Variants in EFCAB5 observed in about 807,000 individuals in gnomAD.
The protein encoded by EFCAB5 is EF-hand calcium-binding domain-containing protein 5.
Under a neutral mutation model 167.9 loss-of-function variants are expected in EFCAB5, and 131 were observed. The observed-to-expected ratio is 0.78, with a 90% CI of 0.68 to 0.90. EFCAB5 has a LOEUF of 0.90. Ranked by LOEUF, EFCAB5 falls within the 40% of genes least tolerant of loss-of-function variation. The pLI, the probability that EFCAB5 is intolerant of heterozygous loss-of-function variation, is 0.00. For missense variants in EFCAB5, 1,663 were observed against 1,745.2 expected, an observed-to-expected ratio of 0.95 and a Z score of 0.84; for synonymous variants, 574 against 602.8, an observed-to-expected ratio of 0.95 and a Z score of 0.70.
At chr17:30,056,219 G>A (rs2070262462) in intron 12 of EFCAB5, 63 bp downstream of exon 12, 3 of 1,425,338 alleles carry the variant, frequency 2.1e-6, no homozygotes, top group Non-Finnish European at 2.9e-6. Flanking sequence ...AATTTACTGT[G>A]GTACTCGATG....
Position 29,973,652 on chromosome 17 carries a change from A to G in EFCAB5, c.767+4285A>G, listed in dbSNP as rs564707571. Among the ~76,000 whole-genome samples the G allele has an allele frequency of 2.7e-5, 4 of 150,560 alleles. No homozygotes were observed. The East Asian group carries it at 6.0e-4, about 23-fold the overall frequency. ...GCCACTACACCCTGCTAATTTTTGT[A>G]TTTTTCGTAGAGACAGGGTTTCACC... On this transcript the variant is annotated intron_variant, in intron 4 of 22. Coordinates refer to ENST00000394835, the MANE Select transcript of EFCAB5 (RefSeq NM_198529.4).
intron 17 of EFCAB5, among the ~76,000 whole-genome samples, chr17:30,082,265 A>G (rs1046790972): frequency 6.6e-6 from 1 of 151,410 alleles, no homozygotes; most frequent in Non-Finnish European, 1.5e-5. Context: ...GCTTTTTAAC[A>G]TTTTTTTCTC....
In EFCAB5 at chr17:30,009,939, C is replaced by A. The variant is rs567749498; in HGVS notation, c.1044+9963C>A. Among the ~76,000 whole-genome samples the A allele has an allele frequency of 4.6e-5, 7 of 152,116 alleles. No homozygotes were observed. In the South Asian group the frequency reaches 1.5e-3, roughly 32 times the overall value. On this transcript the variant is annotated intron_variant, in intron 7 of 22. Coordinates refer to ENST00000394835, the MANE Select transcript of EFCAB5 (RefSeq NM_198529.4). ...AACTCGTCATTTGCATTAGGTATTT[C>A]TCCTAATGCTATCCCTCCTCCATCC...
rs765917335 is a variant in EFCAB5 at position 29,941,770 on chromosome 17, C to A, written c.-27C>A. Reference sequence around the variant, plus strand: ...CTGGTCTAGTAATATTCTTCTATACCATTTGGTGATAACTTTTGGAGTCCA... The same window carrying A: ...CTGGTCTAGTAATATTCTTCTATACAATTTGGTGATAACTTTTGGAGTCCA... On this transcript the variant is annotated 5_prime_UTR_variant, in exon 1 of 23. Coordinates refer to ENST00000394835, the MANE Select transcript of EFCAB5 (RefSeq NM_198529.4). 5.1e-6 allele frequency: 8 copies of A among 1,582,000 alleles called. No homozygotes were observed. Among genetic ancestry groups the A allele is most frequent in the Non-Finnish European group, 6.9e-6 (8 of 1,159,472 alleles).
At chr17:30,055,409 A>G (rs2070231796) in intron 10 of EFCAB5, among the ~76,000 whole-genome samples, 2 of 152,156 alleles carry the variant, frequency 1.3e-5, no homozygotes, top group Non-Finnish European at 2.9e-5. Flanking sequence ...TAGTAAGGAA[A>G]GAAAGAAAAT....
Position 30,078,436 on chromosome 17 carries a change from T to A in EFCAB5, c.2959T>A (p.Cys987Ser), listed in dbSNP as rs780845389. 1.2e-6 allele frequency: 2 copies of A among 1,613,920 alleles called. No individual in the cohort carries two copies. The highest frequency in any genetic ancestry group is 1.7e-6 in the Non-Finnish European group (2 of 1,179,862). The change falls in exon 15 of 23, where the codon TGT becomes AGT. Residue 987 changes from cysteine to serine, a missense_variant. Transcript: ENST00000394835. The stretch of plus-strand genomic sequence containing the variant: ...GCGGAAATGGCTGCACCAAATCCAA[T>A]GTGCTGCAGAGACAAGTGGGGTGTC... ...ARRKWLHQIQCAAETSGVSLE... is the reference protein window; with the variant it reads ...ARRKWLHQIQSAAETSGVSLE...
rs770349829 is a variant in EFCAB5 at position 30,080,166 on chromosome 17, G to A, written c.3122G>A (p.Arg1041Lys). The A allele has an allele frequency of 6.2e-7, 1 of 1,613,858 alleles. No individual in the cohort carries two copies. The highest frequency in any genetic ancestry group is 8.5e-7 in the Non-Finnish European group (1 of 1,179,832). ...CCTGAGAAAGGGAATGTTCTATTGA[G>A]GAATGTGGCTTGTACCTTAGATGAT... is the stretch of plus-strand genomic sequence containing the variant. The part of the protein sequence containing the change: ...LLPEKGNVLL[R>K]NVACTLDDAQ... The change falls in exon 16 of 23, where the codon AGG (arginine) becomes AAG (lysine). Residue 1041 changes from arginine (R) to lysine (K), a missense_variant. By Grantham distance (26) the Arg-to-Lys change is conservative. Transcript: ENST00000394835.
At chr17:30,105,276 C>T (rs1208164128) in intron 22 of EFCAB5, among the ~76,000 whole-genome samples, 2 of 152,032 alleles carry the variant, frequency 1.3e-5, no homozygotes, top group African/African-American at 4.8e-5. Context: ...CATCTGAGGT[C>T]ACGAGTTCGA....
chr17:30,057,847 G>T lies in EFCAB5; in HGVS notation c.2537G>T (p.Gly846Val), dbSNP rs748643570. Residue 846 changes from glycine (G) to valine (V), a missense_variant, in exon 13 of 23, where the codon GGC becomes GTC. Coordinates refer to ENST00000394835, the MANE Select transcript of EFCAB5 (RefSeq NM_198529.4). ...ACTCTCACCTCCTTTTTTAAGGAGG[G>T]CTATGTTGAAACAGAACAAGAGAAA... is the stretch of plus-strand genomic sequence containing the variant. ...SETLTSFFKE[G>V]YVETEQEKMN... The T allele has an allele frequency of 6.2e-7, 1 of 1,613,744 alleles. No homozygotes were observed. Among genetic ancestry groups the T allele is most frequent in the South Asian group, 1.1e-5 (1 of 91,072 alleles).
chr17:30,047,870 T>C (rs1157508995), intron 8 of EFCAB5, among the ~76,000 whole-genome samples: 1 of 152,194 alleles, frequency 6.6e-6, no homozygotes, highest in African/African-American at 2.4e-5. Flanking sequence ...CCCAGAACTC[T>C]TTGGTTGAAG....
intron 3 of EFCAB5, among the ~76,000 whole-genome samples, chr17:29,947,598 A>G (rs1420028398): frequency 6.6e-6 from 1 of 152,150 alleles, no homozygotes; most frequent in Non-Finnish European, 1.5e-5. Flanking sequence ...CAAACTTTCC[A>G]ACACTTATTC....
At chr17:30,037,191 A>G (rs1311792449) in intron 8 of EFCAB5, among the ~76,000 whole-genome samples, 1 of 152,188 alleles carries the variant, frequency 6.6e-6, no homozygotes, top group Non-Finnish European at 1.5e-5. Context: ...GTGTAGGTAG[A>G]TGGGCCTGAA....
chr17:29,946,650 G>A (rs1371046617), intron 3 of EFCAB5, among the ~76,000 whole-genome samples: 3 of 151,806 alleles, frequency 2.0e-5, no homozygotes, highest in Non-Finnish European at 4.4e-5. Context: ...ATGTTGGGCA[G>A]GATGGTCTCG....
At chr17:29,937,676 G>A (rs1383211818), upstream of EFCAB5, among the ~76,000 whole-genome samples, 1 of 152,136 alleles carries the variant, frequency 6.6e-6, no homozygotes, top group Non-Finnish European at 1.5e-5. Context: ...TCAGAGAAAG[G>A]ATATAGAGAT....
chr17:29,958,774 C>T (rs1357450796), intron 3 of EFCAB5, among the ~76,000 whole-genome samples: 1 of 152,164 alleles, frequency 6.6e-6, no homozygotes, highest in Non-Finnish European at 1.5e-5. Flanking sequence ...CTTGGGAATG[C>T]TTTCTAAGTA....
chr17:30,016,215 A>C (rs1192661926), intron 7 of EFCAB5, among the ~76,000 whole-genome samples: 1 of 152,022 alleles, frequency 6.6e-6, no homozygotes, highest in African/African-American at 2.4e-5. Flanking sequence ...AAAAGTTTTA[A>C]ATTTTTATGA....
intron 7 of EFCAB5, among the ~76,000 whole-genome samples, chr17:30,018,817 G>A (rs751594006): frequency 9.9e-5 from 15 of 152,080 alleles, no homozygotes; most frequent in Admixed American, 2.0e-4. Context: ...TTAAAGCAAT[G>A]GCGAGGAACT....
At chr17:29,970,118 T>C (rs1199665172) in intron 4 of EFCAB5, among the ~76,000 whole-genome samples, 1 of 152,244 alleles carries the variant, frequency 6.6e-6, no homozygotes, top group Non-Finnish European at 1.5e-5. Context: ...TTTAACCTAC[T>C]GTAACATGTA....
At chr17:30,064,766 C>G (rs1322069444) in intron 14 of EFCAB5, among the ~76,000 whole-genome samples, 1 of 152,034 alleles carries the variant, frequency 6.6e-6, no homozygotes, top group African/African-American at 2.4e-5. Context: ...CTAAAAACAG[C>G]TAGAGAAAAG....
Sources: gnomAD v4.1 joint callset for allele counts (sites outside exome capture counted in the v4.1 genomes callset) on GRCh38, gnomAD v4.1.1 for gene constraint, MANE v1.5 for transcripts, NCBI Gene and HGNC (gene_info 2026-07-23, HGNC 2026-07-21) for gene names.